PPARGC1A: variants seen among roughly 807,000 people sequenced by gnomAD.
The protein encoded by PPARGC1A is PPARG coactivator 1 alpha, also known as peroxisome proliferator-activated receptor gamma coactivator 1-alpha.
In PPARGC1A, 25 loss-of-function variants were observed where a neutral mutation model predicts 88.7. That is an observed-to-expected ratio of 0.28 (90% confidence interval 0.21 to 0.39). The LOEUF (loss-of-function observed/expected upper bound fraction) is 0.39. Ranked by LOEUF, PPARGC1A falls within the 10% of genes least tolerant of loss-of-function variation. The pLI is 1.00. For missense variants in PPARGC1A, 880 were observed against 968.7 expected, an observed-to-expected ratio of 0.91 and a Z score of 1.22; for synonymous variants, 363 against 355.6, an observed-to-expected ratio of 1.02 and a Z score of -0.24.
chr4:23,889,418 A>C (rs1717453139), intron 1 of PPARGC1A: 3 of 968,328 alleles, frequency 3.1e-6, no homozygotes, highest in Non-Finnish European at 3.7e-6. Context: ...AGGATTTTGT[A>C]AGTTCTCTGT....
At chr4:24,395,942 A>G in the PPARGC1A span, among the ~76,000 whole-genome samples, 1 of 152,290 alleles carries the variant, frequency 6.6e-6, no homozygotes, top group Non-Finnish European at 1.5e-5. Flanking sequence ...CTCCACCTGC[A>G]TTCTACCTTC....
At chr4:23,974,799 ATTTTTTTTT>A in the PPARGC1A span, among the ~76,000 whole-genome samples, 18 of 61,128 alleles carry the variant, frequency 2.9e-4, no homozygotes, top group East Asian at 3.7e-3. Context: ...GGCCCGGCTA[ATTTTTTTTT>A]TTTTTTTTTT....
At chr4:24,408,331 T>C in the PPARGC1A span, among the ~76,000 whole-genome samples, 2 of 151,666 alleles carry the variant, frequency 1.3e-5, no homozygotes, top group Non-Finnish European at 2.9e-5. Flanking sequence ...ATGCCATGTG[T>C]AGATTTTCAT....
the PPARGC1A span, among the ~76,000 whole-genome samples, chr4:24,218,486 C>T: frequency 6.6e-6 from 1 of 152,212 alleles, no homozygotes; most frequent in South Asian, 2.1e-4. Context: ...AGGTAGCTGT[C>T]ATCAGCAAAT....
the PPARGC1A span, among the ~76,000 whole-genome samples, chr4:23,962,141 C>T: frequency 6.6e-6 from 1 of 151,582 alleles, no homozygotes; most frequent in Non-Finnish European, 1.5e-5. Flanking sequence ...TTAATAACAA[C>T]AAGGGAAAGT....
chr4:23,924,900 C>T, the PPARGC1A span, among the ~76,000 whole-genome samples: 1 of 152,176 alleles, frequency 6.6e-6, no homozygotes, highest in Admixed American at 6.5e-5. Flanking sequence ...CCTACCCCCA[C>T]TTTCCTTTCT....
chr4:24,356,321 C>T, the PPARGC1A span, among the ~76,000 whole-genome samples: 28 of 152,172 alleles, frequency 1.8e-4, no homozygotes, highest in South Asian at 3.5e-3. Context: ...AGTCACTTCA[C>T]GGGAAGGCCC....
chr4:24,024,075 C>T, the PPARGC1A span, among the ~76,000 whole-genome samples: 1 of 152,244 alleles, frequency 6.6e-6, no homozygotes, highest in African/African-American at 2.4e-5. Context: ...TGGGACAACC[C>T]ACATGTACCA....
chr4:24,458,427 G>A, the PPARGC1A span, among the ~76,000 whole-genome samples: 1 of 152,212 alleles, frequency 6.6e-6, no homozygotes, highest in African/African-American at 2.4e-5. Context: ...CTTTAGCCCA[G>A]GAGGCAGAGG....
the PPARGC1A span, among the ~76,000 whole-genome samples, chr4:24,186,760 GT>G: frequency 6.6e-6 from 1 of 151,672 alleles, no homozygotes; most frequent in South Asian, 2.1e-4. Context: ...AGTGCCTCTG[GT>G]TGCCAGAACC....
the PPARGC1A span, among the ~76,000 whole-genome samples, chr4:24,328,115 C>T: frequency 6.6e-6 from 1 of 152,036 alleles, no homozygotes; most frequent in African/African-American, 2.4e-5. Flanking sequence ...CGCTGACTCT[C>T]TTTTCAGACT....
At chr4:24,007,069 GT>G in the PPARGC1A span, among the ~76,000 whole-genome samples, 12 of 152,080 alleles carry the variant, frequency 7.9e-5, no homozygotes, top group African/African-American at 2.9e-4. Context: ...AATTGTCAGT[GT>G]TTTTTCTTCC....
the PPARGC1A span, among the ~76,000 whole-genome samples, chr4:24,185,006 T>G: frequency 2.6e-5 from 4 of 152,174 alleles, no homozygotes; most frequent in African/African-American, 9.7e-5. Context: ...CTGAGAATAT[T>G]TTGTTCACGG....
the PPARGC1A span, among the ~76,000 whole-genome samples, chr4:23,992,711 T>C: frequency 1.3e-5 from 2 of 152,262 alleles, no homozygotes; most frequent in African/African-American, 4.8e-5. Context: ...ATTAATTTTA[T>C]ACCCACTTGT....
rs59221909 is a variant in PPARGC1A at position 23,851,288 on chromosome 4, C to G, written c.235-19537G>C. On this transcript the variant is annotated intron_variant, in intron 2 of 12. Transcript: ENST00000264867. ...GGGAACATACACACACACATGCTCA[C>G]ACACATACAATATTAGTAACAATAT... Among the ~76,000 whole-genome samples the G allele has an allele frequency of 9.4e-3, 1,433 of 152,298 alleles. 17 individuals carry two copies. Among genetic ancestry groups the G allele is most frequent in the African/African-American group, 0.033 (1,361 of 41,550 alleles).
At position 23,792,197 on chromosome 4, in the gene PPARGC1A, A is replaced by C. The variant is rs1716760967; in HGVS notation, c.*3625T>G. ...AACTAATCGCTCACTTTCCCTCTTC[A>C]GCATAGTTCAACCAACAGTATTACA... On this transcript the variant is annotated 3_prime_UTR_variant, in exon 13 of 13. Coordinates refer to ENST00000264867, the MANE Select transcript of PPARGC1A (RefSeq NM_013261.5). 1 of 152,630 alleles carries C rather than the reference A, an allele frequency of 6.6e-6. No individual in the cohort carries two copies. The highest frequency in any genetic ancestry group is 2.4e-5 in the African/African-American group (1 of 41,478). 9.5% of individuals were successfully genotyped at this position (152,630 alleles called of 1,614,324 possible).
the PPARGC1A span, among the ~76,000 whole-genome samples, chr4:24,077,517 G>A: frequency 6.6e-6 from 1 of 151,528 alleles, no homozygotes; most frequent in African/African-American, 2.4e-5. Context: ...TTTTTTCAAT[G>A]TGATTCTCAA....
At chr4:24,122,119 T>C in the PPARGC1A span, among the ~76,000 whole-genome samples, 2 of 152,112 alleles carry the variant, frequency 1.3e-5, no homozygotes, top group Admixed American at 1.3e-4. Context: ...TGCTTAGAAC[T>C]TCAACGAGCA....
intron 7 of PPARGC1A, 112 bp from the exon 8 acceptor site, chr4:23,814,717 G>A (rs939279774): frequency 5.8e-6 from 6 of 1,033,960 alleles, no homozygotes; most frequent in Admixed American, 6.3e-5. Context: ...TTTCAGACAA[G>A]GGTTCAAACT....
Sources: gnomAD v4.1 joint callset for allele counts (sites outside exome capture counted in the v4.1 genomes callset) on GRCh38, gnomAD v4.1.1 for gene constraint, MANE v1.5 for transcripts, NCBI Gene and HGNC (gene_info 2026-07-23, HGNC 2026-07-21) for gene names.